The following ETS1 variants were observed in gnomAD, a reference collection of about 807,000 sequenced individuals.
The protein encoded by ETS1 is protein C-ets-1.
In ETS1, 15 loss-of-function variants were observed where a neutral mutation model predicts 58.6. The observed-to-expected ratio is 0.26, with a 90% CI of 0.17 to 0.39. The LOEUF (loss-of-function observed/expected upper bound fraction) is 0.39. ETS1 is among the 10% of genes least tolerant of loss of function. ETS1 has a pLI of 1.00. For synonymous variants in ETS1, 214 were observed against 218.2 expected (o/e 0.98, Z 0.17); for missense variants, 417 against 610.5 (o/e 0.68, Z 3.34).
chr11:128,547,188 C>T lies in ETS1; in HGVS notation c.214+9103G>A, dbSNP rs182218321. Reference sequence around the variant, plus strand: ...AGGAAGTTTATACCAGAGAATTCATCCCAGTTCAACAAAATGTGCACTGCG... The same window carrying T: ...AGGAAGTTTATACCAGAGAATTCATTCCAGTTCAACAAAATGTGCACTGCG... On this transcript the variant is annotated intron_variant, in intron 3 of 9. Coordinates refer to ENST00000392668, the MANE Select transcript of ETS1 (RefSeq NM_001143820.2). Among the ~76,000 whole-genome samples, 30 of 152,272 alleles carry T rather than the reference C, an allele frequency of 2.0e-4. No homozygotes were observed. The East Asian group carries it at 5.8e-3, about 29-fold the overall frequency.
chr11:128,581,433 A>G (rs1394366228), intron 1 of ETS1, among the ~76,000 whole-genome samples: 1 of 152,178 alleles, frequency 6.6e-6, no homozygotes, highest in African/African-American at 2.4e-5. Flanking sequence ...CAAATCCTGT[A>G]TTTTACCATG....
intron 3 of ETS1, among the ~76,000 whole-genome samples, chr11:128,504,815 T>C (rs1863187255): frequency 6.6e-6 from 1 of 152,154 alleles, no homozygotes; most frequent in African/African-American, 2.4e-5. Flanking sequence ...ACACTACTCC[T>C]CCCCAAGTTA....
chr11:128,560,714 G>T (rs1168611209), intron 2 of ETS1, among the ~76,000 whole-genome samples: 1 of 152,206 alleles, frequency 6.6e-6, no homozygotes, highest in African/African-American at 2.4e-5. Flanking sequence ...TATATTTGGT[G>T]CACCTAGTCT....
intron 7 of ETS1, among the ~76,000 whole-genome samples, chr11:128,483,408 T>C (rs1862541686): frequency 6.6e-6 from 1 of 152,182 alleles, no homozygotes; most frequent in African/African-American, 2.4e-5. Context: ...CCTCACTGTG[T>C]AGATGTACAG....
chr11:128,559,548 C>T (rs1301554096), intron 2 of ETS1, among the ~76,000 whole-genome samples: 5 of 152,154 alleles, frequency 3.3e-5, no homozygotes, highest in African/African-American at 1.2e-4. Context: ...CTGTAACTGT[C>T]CTCCGTGGAG....
intron 3 of ETS1, among the ~76,000 whole-genome samples, chr11:128,516,992 G>GAGA (rs1491494614): frequency 6.6e-6 from 1 of 152,174 alleles, no homozygotes; most frequent in Non-Finnish European, 1.5e-5. Context: ...TCCTACCTGT[G>GAGA]AGAGAGCCAA....
intron 3 of ETS1, chr11:128,527,178 C>T (rs1403773585): frequency 3.1e-6 from 1 of 322,852 alleles, no homozygotes; most frequent in East Asian, 1.0e-4. Flanking sequence ...AGGATAACCA[C>T]ACTATGGTTC....
chr11:128,496,635 A>G (rs1862949537), intron 3 of ETS1, among the ~76,000 whole-genome samples: 1 of 152,192 alleles, frequency 6.6e-6, no homozygotes, highest in Admixed American at 6.5e-5. Context: ...TTCTCCTGAT[A>G]AAAAAGCTAA....
intron 2 of ETS1, among the ~76,000 whole-genome samples, chr11:128,569,230 G>A (rs545441599): frequency 6.7e-6 from 1 of 149,960 alleles, no homozygotes; most frequent in Non-Finnish European, 1.5e-5. Flanking sequence ...ATCCCTTTGG[G>A]GGACAAAAGC....
chr11:128,526,722 G>A (rs1863807997), intron 3 of ETS1: 1 of 345,946 alleles, frequency 2.9e-6, no homozygotes, highest in Non-Finnish European at 5.6e-6. Flanking sequence ...AAGAGAACTA[G>A]ATTTATATTT....
At chr11:128,585,193 GGAAAGAAA>G (rs764608182) in intron 1 of ETS1, among the ~76,000 whole-genome samples, 901 of 15,678 alleles carry the variant, frequency 0.057, 111 homozygotes, top group Non-Finnish European at 0.07. Context: ...AAAGAAGGAA[GGAAAGAAA>G]GAAAGAAAGA....
chr11:128,478,455 G>GGAAGGAAGGAAGGAAGGA lies in ETS1; in HGVS notation c.1123+1735_1123+1736insTCCTTCCTTCCTTCCTTC, dbSNP rs1565371373. Among the ~76,000 whole-genome samples, 149 of 102,356 alleles carry GGAAGGAAGGAAGGAAGGA rather than the reference G, an allele frequency of 1.5e-3. 2 individuals carry two copies. The highest frequency in any genetic ancestry group is 1.8e-3 in the Non-Finnish European group (97 of 54,856). 67.1% of individuals were successfully genotyped at this position (102,356 alleles called of 152,430 possible). A position where few individuals can be genotyped will look rare whatever the true frequency, so the allele number is the denominator to read the frequency against. On this transcript the variant is annotated intron_variant, in intron 8 of 9. Transcript: ENST00000392668. ...GGAGGTAGGGAGGGAGAGAGGGAGG[G>GGAAGGAAGGAAGGAAGGA]AGGAAGGAAGGAAGGAAGGAAGGAA...
intron 3 of ETS1, among the ~76,000 whole-genome samples, chr11:128,510,475 T>C (rs2135498863): frequency 6.6e-6 from 1 of 152,222 alleles, no homozygotes; most frequent in African/African-American, 2.4e-5. Context: ...AGAGAAAATA[T>C]TCAAACCGGG....
intron 3 of ETS1, among the ~76,000 whole-genome samples, chr11:128,547,913 C>T (rs896952796): frequency 6.6e-6 from 1 of 151,920 alleles, no homozygotes; most frequent in Non-Finnish European, 1.5e-5. Context: ...CCAAGGTTGC[C>T]CCATGCTTCA....
rs1861898499 is a variant in ETS1, at chr11:128,461,259, A to AG, written c.*1101dup. Reference sequence around the variant, plus strand: ...TTCAGGACTTATTTCTTAGGACCTGAGGGGTAATGCCCATGCATACAGCTT... The same window carrying AG: ...TTCAGGACTTATTTCTTAGGACCTGAGGGGGTAATGCCCATGCATACAGCTT... On this transcript the variant is annotated 3_prime_UTR_variant, in exon 10 of 10. Coordinates refer to ENST00000392668, the MANE Select transcript of ETS1 (RefSeq NM_001143820.2). 2.6e-5 allele frequency: 4 copies of AG among 152,798 alleles called. No homozygotes were observed. 9.5% of individuals were successfully genotyped at this position (152,798 alleles called of 1,614,324 possible).
At chr11:128,466,626 A>T (rs188750772) in intron 8 of ETS1, among the ~76,000 whole-genome samples, 1 of 152,144 alleles carries the variant, frequency 6.6e-6, no homozygotes, top group East Asian at 1.9e-4. Context: ...AGCATACGGG[A>T]CCCGGTGAGT....
chr11:128,469,421 C>G (rs1305583238), intron 8 of ETS1, among the ~76,000 whole-genome samples: 1 of 152,164 alleles, frequency 6.6e-6, no homozygotes, highest in South Asian at 2.1e-4. Flanking sequence ...ACAGAACATT[C>G]GAATCCAGAA....
intron 3 of ETS1, among the ~76,000 whole-genome samples, chr11:128,514,977 CTTT>C (rs1565391665): frequency 6.6e-6 from 1 of 152,022 alleles, no homozygotes; most frequent in South Asian, 2.1e-4. Context: ...TTATTCTTGT[CTTT>C]TTTTAATTCA....
In ETS1 at chr11:128,575,615, A is replaced by G. The variant is rs539422955; in HGVS notation, c.-14-2471T>C. ...GACTCAGGAAAAATCTGAGAAAGAC[A>G]GGATCTCTATCTTCAGGCAGTGGAA... On this transcript the variant is annotated intron_variant, in intron 1 of 9. Coordinates refer to ENST00000392668, the MANE Select transcript of ETS1 (RefSeq NM_001143820.2). Among the ~76,000 whole-genome samples the G allele has an allele frequency of 2.8e-4, 42 of 152,352 alleles. No individual in the cohort carries two copies. In the East Asian group the frequency reaches 4.4e-3, roughly 16 times the overall value.
Sources: gnomAD v4.1 joint callset for allele counts (sites outside exome capture counted in the v4.1 genomes callset) on GRCh38, gnomAD v4.1.1 for gene constraint, MANE v1.5 for transcripts, NCBI Gene and HGNC (gene_info 2026-07-23, HGNC 2026-07-21) for gene names.